The following DCC variants were observed in gnomAD, a reference collection of about 807,000 sequenced individuals.
DCC encodes the protein DCC netrin 1 receptor.
In DCC, 58 loss-of-function variants were observed where a neutral mutation model predicts 172.5. The observed-to-expected ratio is 0.34, with a 90% CI of 0.27 to 0.42. The LOEUF is 0.42. DCC is among the 10% of genes least tolerant of loss of function. The probability of loss-of-function intolerance (pLI) is 1.00; values close to 1 mark genes in which losing one functional copy is unlikely to be tolerated. For missense variants in DCC, 1,740 were observed against 1,791.0 expected (o/e 0.97, Z 0.51); for synonymous variants, 709 against 644.5 (o/e 1.10, Z -1.52).
chr18:53,104,621 A>T (rs565427585), intron 7 of DCC, among the ~76,000 whole-genome samples: 258 of 152,196 alleles, frequency 1.7e-3, no homozygotes, highest in African/African-American at 5.9e-3. Context: ...ATTCAAAAAA[A>T]ATGCAATTGT....
At chr18:53,523,922 A>C (rs2144606348) in intron 27 of DCC, among the ~76,000 whole-genome samples, 1 of 152,192 alleles carries the variant, frequency 6.6e-6, no homozygotes, top group East Asian at 1.9e-4. Context: ...AGGGGGAGGC[A>C]GGAGAAAAGT....
intron 2 of DCC, among the ~76,000 whole-genome samples, chr18:52,774,313 T>C (rs2145171596): frequency 6.6e-6 from 1 of 152,298 alleles, no homozygotes. Flanking sequence ...AGGCCCAGTT[T>C]GATTGCAGTT....
chr18:53,293,604 C>T (rs2068305185), intron 12 of DCC, among the ~76,000 whole-genome samples: 1 of 152,078 alleles, frequency 6.6e-6, no homozygotes, highest in Non-Finnish European at 1.5e-5. Flanking sequence ...GTTAATTTTT[C>T]TGTTCCTCTC....
At chr18:52,369,858 AC>A (rs1378453436) in intron 1 of DCC, among the ~76,000 whole-genome samples, 2 of 152,124 alleles carry the variant, frequency 1.3e-5, no homozygotes, top group South Asian at 2.1e-4. Flanking sequence ...CAGGATTACT[AC>A]GTTTGAGTCA....
At chr18:52,404,725 A>T (rs996454415) in intron 1 of DCC, among the ~76,000 whole-genome samples, 1 of 151,348 alleles carries the variant, frequency 6.6e-6, no homozygotes, top group East Asian at 2.0e-4. Context: ...GGTTAGTTAC[A>T]TATGTATACA....
At chr18:53,331,504 C>G (rs2057529381) in intron 14 of DCC, among the ~76,000 whole-genome samples, 1 of 152,118 alleles carries the variant, frequency 6.6e-6, no homozygotes, top group Non-Finnish European at 1.5e-5. Flanking sequence ...AGAGAACAAT[C>G]CCCAGATATT....
intron 1 of DCC, among the ~76,000 whole-genome samples, chr18:52,569,092 A>G (rs17828395): frequency 0.02 from 3,079 of 152,298 alleles, 111 homozygotes; most frequent in East Asian, 0.096. Flanking sequence ...TCTGTGTAAT[A>G]ACAAGATAGA....
intron 1 of DCC, among the ~76,000 whole-genome samples, chr18:52,721,245 C>A (rs2036469434): frequency 6.6e-6 from 1 of 152,184 alleles, no homozygotes; most frequent in South Asian, 2.1e-4. Flanking sequence ...CAATGGATTC[C>A]TGTGTAGTTA....
chr18:53,050,228 G>T (rs962649640), intron 5 of DCC, among the ~76,000 whole-genome samples: 2 of 152,020 alleles, frequency 1.3e-5, no homozygotes, highest in Non-Finnish European at 2.9e-5. Context: ...GTCTTCCTGA[G>T]GGTGGGTCTT....
intron 5 of DCC, among the ~76,000 whole-genome samples, chr18:53,020,383 C>A (rs911251709): frequency 1.3e-5 from 2 of 152,112 alleles, no homozygotes; most frequent in Non-Finnish European, 2.9e-5. Flanking sequence ...TCTTAGATTT[C>A]TCTGAAAATA....
chr18:53,480,602 A>T (rs1269371648), intron 25 of DCC, among the ~76,000 whole-genome samples: 2 of 152,144 alleles, frequency 1.3e-5, no homozygotes, highest in African/African-American at 4.8e-5. Flanking sequence ...TTTTGGATGG[A>T]TCTGTTGCAG....
At chr18:53,049,188 T>G (rs926098588) in intron 5 of DCC, among the ~76,000 whole-genome samples, 1 of 152,056 alleles carries the variant, frequency 6.6e-6, no homozygotes, top group Admixed American at 6.6e-5. Flanking sequence ...TTAGTTTAAT[T>G]AGGTTCCATT....
At position 53,119,030 on chromosome 18, in the gene DCC, C is replaced by T. The variant is rs188109638; in HGVS notation, c.1262-38326C>T. Among the ~76,000 whole-genome samples, 254 of 151,908 alleles carry T rather than the reference C, an allele frequency of 1.7e-3. 2 individuals are homozygous for T. The highest frequency in any genetic ancestry group is 6.0e-3 in the African/African-American group (249 of 41,492). On this transcript the variant is annotated intron_variant, in intron 7 of 28. Coordinates refer to ENST00000442544, the MANE Select transcript of DCC (RefSeq NM_005215.4). ...AATCTACTGGTCATTCCTCTGTGCT[C>T]CCACCTATTAGAAGTAAAGGCTTAT...
chr18:53,287,900 T>C (rs2144742192), intron 12 of DCC, among the ~76,000 whole-genome samples: 1 of 152,304 alleles, frequency 6.6e-6, no homozygotes, highest in East Asian at 1.9e-4. Flanking sequence ...AGGTCACTGA[T>C]TCTTAAAACG....
chr18:52,650,765 C>T (rs943928753), intron 1 of DCC, among the ~76,000 whole-genome samples: 4 of 152,142 alleles, frequency 2.6e-5, no homozygotes, highest in African/African-American at 9.7e-5. Flanking sequence ...ATGTAGCTGA[C>T]ATTCCTAGCA....
chr18:53,094,322 C>T (rs2043054191), intron 7 of DCC, among the ~76,000 whole-genome samples: 1 of 152,170 alleles, frequency 6.6e-6, no homozygotes, highest in East Asian at 1.9e-4. Context: ...TATGTACTAT[C>T]TATTTTTCTC....
chr18:53,127,801 A>G (rs916869279), intron 7 of DCC, among the ~76,000 whole-genome samples: 1 of 152,154 alleles, frequency 6.6e-6, no homozygotes, highest in Non-Finnish European at 1.5e-5. Context: ...TCACTGCTTT[A>G]TAGTCGAAAC....
chr18:53,223,722 A>T (rs2055978524), intron 12 of DCC, among the ~76,000 whole-genome samples: 1 of 152,212 alleles, frequency 6.6e-6, no homozygotes, highest in Non-Finnish European at 1.5e-5. Flanking sequence ...ACCCATGTGC[A>T]AAAACTTTAT....
intron 9 of DCC, among the ~76,000 whole-genome samples, chr18:53,188,241 A>G (rs2055314440): frequency 1.3e-5 from 2 of 152,222 alleles, no homozygotes; most frequent in African/African-American, 4.8e-5. Context: ...ACGTCAGTGC[A>G]TTAGTGAGAG....
Sources: allele counts gnomAD v4.1 joint callset (sites outside exome capture counted in the v4.1 genomes callset), GRCh38; gene constraint gnomAD v4.1.1; transcripts MANE v1.5; gene names NCBI Gene and HGNC (gene_info 2026-07-23, HGNC 2026-07-21).